The following VAV3 variants were observed in gnomAD, a reference collection of about 807,000 sequenced individuals.
VAV3 encodes the protein vav guanine nucleotide exchange factor 3.
Under a neutral mutation model 131.2 loss-of-function variants are expected in VAV3, and 94 were observed. The ratio of observed to expected loss-of-function variants is 0.72; its 90% CI spans 0.61 to 0.85. The LOEUF is 0.85. Among genes scored for constraint, VAV3 ranks in the 40% least tolerant of loss-of-function variants. The pLI, the probability that VAV3 is intolerant of heterozygous loss-of-function variation, is 0.00. For missense variants in VAV3, 939 were observed against 1,002.7 expected, an observed-to-expected ratio of 0.94 and a Z score of 0.86; for synonymous variants, 349 against 342.0, an observed-to-expected ratio of 1.02 and a Z score of -0.22.
chr1:107,710,232 GCT>G (rs1660706296), intron 15 of VAV3, among the ~76,000 whole-genome samples: 1 of 152,104 alleles, frequency 6.6e-6, no homozygotes, highest in South Asian at 2.1e-4. Flanking sequence ...GCTGTCTCAT[GCT>G]CTATCAGTAT....
chr1:107,950,060 G>A (rs191793073), intron 1 of VAV3, among the ~76,000 whole-genome samples: 41 of 152,146 alleles, frequency 2.7e-4, no homozygotes, highest in Admixed American at 1.0e-3. Context: ...ACTGAAAAAC[G>A]TGACTTGAGA....
At chr1:107,718,150 A>G (rs1293274830) in intron 15 of VAV3, among the ~76,000 whole-genome samples, 2 of 152,200 alleles carry the variant, frequency 1.3e-5, no homozygotes, top group African/African-American at 4.8e-5. Context: ...CTGGCACAAG[A>G]CAGGGATGCC....
At chr1:107,635,084 T>C (rs1196035822) in intron 20 of VAV3, among the ~76,000 whole-genome samples, 1 of 151,966 alleles carries the variant, frequency 6.6e-6, no homozygotes, top group East Asian at 1.9e-4. Flanking sequence ...GATCTAGAAC[T>C]AGAAATACCA....
chr1:107,799,949 G>A (rs1011243372), intron 2 of VAV3, among the ~76,000 whole-genome samples: 3 of 152,066 alleles, frequency 2.0e-5, no homozygotes, highest in African/African-American at 7.2e-5. Context: ...TGTAATATTT[G>A]ATTTTCTGTG....
At chr1:107,848,034 C>A (rs1028584758) in intron 2 of VAV3, among the ~76,000 whole-genome samples, 17 of 152,046 alleles carry the variant, frequency 1.1e-4, no homozygotes, top group Admixed American at 4.6e-4. Flanking sequence ...GGCAAACCAG[C>A]CAGGTGTGGT....
intron 2 of VAV3, among the ~76,000 whole-genome samples, chr1:107,871,356 A>G (rs1670245993): frequency 2.0e-5 from 3 of 148,046 alleles, no homozygotes; most frequent in Non-Finnish European, 4.5e-5. Context: ...ACCAGACCTC[A>G]GCAGTCTTAG....
intron 22 of VAV3, among the ~76,000 whole-genome samples, chr1:107,606,803 C>CTTTT (rs34849497): frequency 1.0e-4 from 6 of 58,002 alleles, no homozygotes; most frequent in African/African-American, 2.1e-4. Flanking sequence ...ATGGTTTCTT[C>CTTTT]TTTTTTTTTT....
At chr1:107,637,492 G>A (rs1038637385) in intron 20 of VAV3, among the ~76,000 whole-genome samples, 7 of 151,982 alleles carry the variant, frequency 4.6e-5, no homozygotes, top group East Asian at 3.9e-4. Context: ...GCATGGTGAC[G>A]TTCACCTGTA....
chr1:107,676,033 G>A (rs568509676), intron 19 of VAV3, among the ~76,000 whole-genome samples: 15 of 152,292 alleles, frequency 9.8e-5, no homozygotes, highest in African/African-American at 3.6e-4. Context: ...AGGTAGGAGA[G>A]GTGGAAAACC....
Position 107,766,439 on chromosome 1 carries a change from A to C in VAV3, c.821+8T>G. 1.3e-6 allele frequency: 2 copies of C among 1,594,860 alleles called. No homozygotes were observed. The highest frequency in any genetic ancestry group is 1.7e-6 in the Non-Finnish European group (2 of 1,165,226). ...TAAGACCCACAAAACTTAAACTTCA[A>C]AAGTTACCTTTCCTTGTAGTTAATA... On this transcript the variant is annotated splice_region_variant and intron_variant, in intron 8 of 26. Coordinates refer to ENST00000370056, the MANE Select transcript of VAV3 (RefSeq NM_006113.5).
At chr1:107,615,230 G>C (rs1403917838) in intron 21 of VAV3, among the ~76,000 whole-genome samples, 1 of 152,130 alleles carries the variant, frequency 6.6e-6, no homozygotes, top group African/African-American at 2.4e-5. Context: ...AAGATTCCCT[G>C]TTCAGTAAAG....
intron 18 of VAV3, among the ~76,000 whole-genome samples, chr1:107,685,265 G>A (rs1211477355): frequency 6.6e-6 from 1 of 152,128 alleles, no homozygotes; most frequent in Non-Finnish European, 1.5e-5. Context: ...TACTCCCTAA[G>A]TTCAAATTCA....
chr1:107,661,890 G>A (rs988701822), intron 19 of VAV3, among the ~76,000 whole-genome samples: 4 of 152,114 alleles, frequency 2.6e-5, no homozygotes, highest in Admixed American at 6.5e-5. Flanking sequence ...TGGTGATACC[G>A]AATTTCCCTA....
intron 15 of VAV3, among the ~76,000 whole-genome samples, chr1:107,724,051 A>C (rs1376389368): frequency 6.6e-6 from 1 of 152,034 alleles, no homozygotes; most frequent in Non-Finnish European, 1.5e-5. Context: ...CTCTGATTTG[A>C]CTCTTAACCC....
At chr1:107,709,960 C>T (rs569797883) in intron 15 of VAV3, among the ~76,000 whole-genome samples, 39 of 152,246 alleles carry the variant, frequency 2.6e-4, no homozygotes, top group African/African-American at 9.1e-4. Context: ...AAACTATAAT[C>T]GTACTCATAC....
intron 2 of VAV3, among the ~76,000 whole-genome samples, chr1:107,787,854 C>A (rs911565196): frequency 1.3e-5 from 2 of 152,128 alleles, no homozygotes; most frequent in Non-Finnish European, 2.9e-5. Context: ...ATGGTCCTGC[C>A]GTCTCTGCCT....
chr1:107,646,211 AACAG>A (rs145366289), intron 19 of VAV3, among the ~76,000 whole-genome samples: 30,630 of 151,864 alleles, frequency 0.2, 3,534 homozygotes, highest in African/African-American at 0.32. Context: ...ATTAATTGGA[AACAG>A]ACAGTCATAT....
intron 2 of VAV3, among the ~76,000 whole-genome samples, chr1:107,862,976 C>CA (rs1051639875): frequency 1.3e-5 from 2 of 151,336 alleles, no homozygotes; most frequent in South Asian, 2.1e-4. Context: ...AACTGAACAT[C>CA]AAAAAAAGGA....
rs541894922 is a variant in VAV3, at chr1:107,911,028, T to A, written c.205-36011A>T. Among the ~76,000 whole-genome samples the A allele has an allele frequency of 4.1e-4, 62 of 150,402 alleles. 3 individuals carry two copies. In the South Asian group the frequency reaches 0.012, roughly 30 times the overall value. ...AAAAAAAAAGCAAGGTAGGCTTGAG[T>A]CATAATCTCTCTCTATTCAACACCA... On this transcript the variant is annotated intron_variant, in intron 1 of 26. Transcript: ENST00000370056.
Sources: allele counts gnomAD v4.1 joint callset (sites outside exome capture counted in the v4.1 genomes callset), GRCh38; gene constraint gnomAD v4.1.1; transcripts MANE v1.5; gene names NCBI Gene and HGNC (gene_info 2026-07-23, HGNC 2026-07-21).